Variants in ZFHX3 observed in about 807,000 individuals in gnomAD.
The protein encoded by ZFHX3 is zinc finger homeobox protein 3.
Under a neutral mutation model 279.1 loss-of-function variants are expected in ZFHX3, and 42 were observed. The observed-to-expected ratio is 0.15, with a 90% CI of 0.12 to 0.19. The LOEUF (loss-of-function observed/expected upper bound fraction) is 0.19, where lower values mean the gene tolerates loss of function less well. Ranked by LOEUF, ZFHX3 falls within the 10% of genes least tolerant of loss-of-function variation. The pLI, the probability that ZFHX3 is intolerant of heterozygous loss-of-function variation, is 1.00. For synonymous variants in ZFHX3, 2,293 were observed against 1,957.8 expected (o/e 1.17, Z -4.52); for missense variants, 4,981 against 4,754.0 (o/e 1.05, Z -1.40).
intron 1 of ZFHX3, among the ~76,000 whole-genome samples, chr16:73,822,770 G>C (rs1960784732): frequency 6.6e-6 from 1 of 152,244 alleles, no homozygotes; most frequent in South Asian, 2.1e-4. Flanking sequence ...GATGCCAGAA[G>C]AAGCCCCAGC....
chr16:72,817,162 TAGA>T (rs781564223), intron 5 of ZFHX3, among the ~76,000 whole-genome samples: 17 of 152,240 alleles, frequency 1.1e-4, no homozygotes, highest in Non-Finnish European at 2.1e-4. Flanking sequence ...ACAAAGATGG[TAGA>T]AGCACAGCCT....
At chr16:73,476,174 T>C (rs1382632585) in intron 2 of ZFHX3, among the ~76,000 whole-genome samples, 1 of 152,176 alleles carries the variant, frequency 6.6e-6, no homozygotes, top group East Asian at 1.9e-4. Context: ...ACATAAAGTT[T>C]TTTTGAGCAC....
chr16:72,856,153 T>C (rs758030078), intron 4 of ZFHX3, among the ~76,000 whole-genome samples: 1 of 152,170 alleles, frequency 6.6e-6, no homozygotes, highest in Non-Finnish European at 1.5e-5. Flanking sequence ...CTGGCTGCTA[T>C]GAAGGGGGGA....
intron 1 of ZFHX3, among the ~76,000 whole-genome samples, chr16:73,713,937 G>C (rs1311550872): frequency 1.3e-5 from 2 of 152,150 alleles, no homozygotes; most frequent in African/African-American, 2.4e-5. Flanking sequence ...TTGTTTAGAA[G>C]GCTTTCGCAT....
intron 2 of ZFHX3, among the ~76,000 whole-genome samples, chr16:72,955,822 A>ACCCACGTT (rs1347772979): frequency 1.3e-5 from 2 of 148,978 alleles, no homozygotes. Context: ...ACATGAACCT[A>ACCCACGTT]CCCACGTTCC....
chr16:73,462,998 A>G (rs571834622), intron 2 of ZFHX3, among the ~76,000 whole-genome samples: 1 of 152,008 alleles, frequency 6.6e-6, no homozygotes, highest in South Asian at 2.1e-4. Context: ...ATGCTTCTTT[A>G]TATGTTTGTC....
chr16:72,890,289 A>G (rs1249093072), intron 3 of ZFHX3, among the ~76,000 whole-genome samples: 1 of 151,812 alleles, frequency 6.6e-6, no homozygotes, highest in African/African-American at 2.4e-5. Flanking sequence ...TCCCTACTTC[A>G]CTCAGCACTT....
intron 8 of ZFHX3, among the ~76,000 whole-genome samples, chr16:73,085,760 A>G (rs1966004053): frequency 6.6e-6 from 1 of 152,204 alleles, no homozygotes; most frequent in South Asian, 2.1e-4. Flanking sequence ...ACTTCAGGAC[A>G]TTGGTCTGGG....
At chr16:73,652,425 A>T (rs911546172) in intron 2 of ZFHX3, among the ~76,000 whole-genome samples, 1 of 152,260 alleles carries the variant, frequency 6.6e-6, no homozygotes, top group African/African-American at 2.4e-5. Context: ...CTTTTAAACA[A>T]ATAAAAACTG....
intron 1 of ZFHX3, among the ~76,000 whole-genome samples, chr16:72,985,494 G>A (rs1386775192): frequency 6.6e-6 from 1 of 152,204 alleles, no homozygotes; most frequent in East Asian, 1.9e-4. Flanking sequence ...CCCAGGGAGG[G>A]CGAGGCAGAG....
At chr16:73,734,916 A>G (rs1001719426) in intron 1 of ZFHX3, among the ~76,000 whole-genome samples, 3 of 152,238 alleles carry the variant, frequency 2.0e-5, no homozygotes, top group Non-Finnish European at 1.5e-5. Flanking sequence ...GCTGCAATAC[A>G]CACTGATATG....
At chr16:73,342,522 T>G (rs1261637329) in intron 3 of ZFHX3, among the ~76,000 whole-genome samples, 1 of 152,184 alleles carries the variant, frequency 6.6e-6, no homozygotes, top group Non-Finnish European at 1.5e-5. Flanking sequence ...CAGGAGTCGA[T>G]GAGGAATGAT....
chr16:73,061,345 A>C (rs1056987000), upstream of ZFHX3: 2 of 149,898 alleles, frequency 1.3e-5, no homozygotes, highest in South Asian at 4.3e-4. Context: ...GGAGCCTGCA[A>C]AGATTCTAGC....
Position 73,832,652 on chromosome 16 carries a change from A to T in ZFHX3, c.-1608+58999T>A, listed in dbSNP as rs543044331. 3.0e-4 allele frequency among the ~76,000 whole-genome samples: 46 copies of T among 151,796 alleles called. 1 individual carries two copies. Among genetic ancestry groups the T allele is most frequent in the Middle Eastern group, 3.4e-3 (1 of 290 alleles). ...GGACTTGAACTCCTGGGCTCAAGCA[A>T]TCCTCCCCCCTCAGCCTCCCAAAAT... On this transcript the variant is annotated intron_variant, in intron 1 of 17. Coordinates refer to the ZFHX3 transcript ENST00000641206.
chr16:73,294,753 A>G (rs1299067661), intron 4 of ZFHX3, among the ~76,000 whole-genome samples: 1 of 151,506 alleles, frequency 6.6e-6, no homozygotes, highest in Non-Finnish European at 1.5e-5. Context: ...CAGAGGTTGC[A>G]GTGAGCCAAG....
intron 1 of ZFHX3, among the ~76,000 whole-genome samples, chr16:73,841,403 A>G (rs116656673): frequency 0.018 from 2,688 of 152,212 alleles, 85 homozygotes; most frequent in African/African-American, 0.061. Flanking sequence ...CAGGGGAGAC[A>G]TGGCGGACCA....
intron 2 of ZFHX3, among the ~76,000 whole-genome samples, chr16:73,667,821 C>T (rs1174605030): frequency 2.6e-5 from 4 of 152,182 alleles, no homozygotes; most frequent in South Asian, 2.1e-4. Context: ...CATTATTGGA[C>T]GGTAGCCTTG....
intron 1 of ZFHX3, among the ~76,000 whole-genome samples, chr16:73,744,880 G>A (rs913397026): frequency 1.3e-5 from 2 of 152,066 alleles, no homozygotes; most frequent in African/African-American, 4.8e-5. Context: ...TTCAAGAACT[G>A]CCCCAAACGA....
intron 5 of ZFHX3, among the ~76,000 whole-genome samples, chr16:73,237,949 T>C (rs1190423181): frequency 6.6e-6 from 1 of 152,176 alleles, no homozygotes; most frequent in Non-Finnish European, 1.5e-5. Context: ...CCGCTTTGCA[T>C]CTCTACCCAG....
Sources: allele counts gnomAD v4.1 joint callset (sites outside exome capture counted in the v4.1 genomes callset), GRCh38; gene constraint gnomAD v4.1.1; transcripts MANE v1.5; gene names NCBI Gene and HGNC (gene_info 2026-07-23, HGNC 2026-07-21).